The following DLG2 variants were observed in gnomAD, a reference collection of about 807,000 sequenced individuals.
The protein encoded by DLG2 is discs large MAGUK scaffold protein 2.
A neutral mutation model predicts 132.5 loss-of-function variants in DLG2; 45 were observed. The ratio of observed to expected loss-of-function variants is 0.34; its 90% CI spans 0.27 to 0.44. The LOEUF (loss-of-function observed/expected upper bound fraction) is 0.44, where lower values mean the gene tolerates loss of function less well. Ranked by LOEUF, DLG2 falls within the 20% of genes least tolerant of loss-of-function variation. The pLI, the probability that DLG2 is intolerant of heterozygous loss-of-function variation, is 1.00. For missense variants in DLG2, 1,045 were observed against 1,196.9 expected, an observed-to-expected ratio of 0.87 and a Z score of 1.87; for synonymous variants, 424 against 419.6, an observed-to-expected ratio of 1.01 and a Z score of -0.13.
At chr11:83,594,306 C>T (rs1228062264) in intron 19 of DLG2, among the ~76,000 whole-genome samples, 2 of 152,220 alleles carry the variant, frequency 1.3e-5, no homozygotes, top group Non-Finnish European at 2.9e-5. Flanking sequence ...AGCCCTTCCT[C>T]AAGCCCTGAT....
chr11:84,720,103 A>T (rs1313876744), intron 6 of DLG2, among the ~76,000 whole-genome samples: 1 of 152,138 alleles, frequency 6.6e-6, no homozygotes, highest in Non-Finnish European at 1.5e-5. Flanking sequence ...CCATTGAGTT[A>T]TGAGCCCAAC....
intron 3 of DLG2, among the ~76,000 whole-genome samples, chr11:85,417,018 G>A (rs1045337781): frequency 1.3e-5 from 2 of 152,112 alleles, no homozygotes; most frequent in African/African-American, 4.8e-5. Flanking sequence ...CTTGTCGTAT[G>A]CCAGTTTTCA....
At chr11:85,084,197 A>G (rs890665535) in intron 6 of DLG2, among the ~76,000 whole-genome samples, 1 of 152,184 alleles carries the variant, frequency 6.6e-6, no homozygotes, top group African/African-American at 2.4e-5. Flanking sequence ...AGAAAAATTG[A>G]TTATGGATGA....
intron 7 of DLG2, among the ~76,000 whole-genome samples, chr11:84,260,248 T>A (rs1393248361): frequency 1.3e-5 from 2 of 152,104 alleles, no homozygotes; most frequent in African/African-American, 2.4e-5. Flanking sequence ...AAATCTCAAA[T>A]GTGGTTTAGT....
intron 6 of DLG2, among the ~76,000 whole-genome samples, chr11:84,771,879 T>G (rs2069465217): frequency 6.6e-6 from 1 of 151,506 alleles, no homozygotes; most frequent in Non-Finnish European, 1.5e-5. Flanking sequence ...CCCATCAGGA[T>G]AAAAAATCAA....
chr11:85,436,206 C>T (rs898228849), intron 3 of DLG2, among the ~76,000 whole-genome samples: 6 of 151,910 alleles, frequency 3.9e-5, no homozygotes, highest in Non-Finnish European at 7.4e-5. Context: ...CCATAGACAC[C>T]GTAGAAGAAA....
chr11:85,364,246 A>G (rs879257528), intron 3 of DLG2, among the ~76,000 whole-genome samples: 5 of 152,130 alleles, frequency 3.3e-5, no homozygotes. Context: ...GCCCCCAACC[A>G]TATTCCTTAG....
At chr11:83,663,193 G>T (rs547331863) in intron 18 of DLG2, among the ~76,000 whole-genome samples, 3 of 152,164 alleles carry the variant, frequency 2.0e-5, no homozygotes, top group African/African-American at 7.2e-5. Context: ...CTGCCTTACA[G>T]TTGTGGAATT....
chr11:83,986,669 CCCA>C (rs2093341073), intron 11 of DLG2, among the ~76,000 whole-genome samples: 1 of 151,902 alleles, frequency 6.6e-6, no homozygotes, highest in Non-Finnish European at 1.5e-5. Flanking sequence ...AGTTTACACT[CCCA>C]CCGACAGTGT....
chr11:83,792,425 A>T (rs1410524864), intron 17 of DLG2, among the ~76,000 whole-genome samples: 4 of 152,228 alleles, frequency 2.6e-5, no homozygotes, highest in African/African-American at 9.6e-5. Flanking sequence ...ATATCCATAT[A>T]TCATAAGTAA....
At position 84,837,772 on chromosome 11, in the gene DLG2, A is replaced by G. The variant is rs186276232; in HGVS notation, c.357+273889T>C. Among the ~76,000 whole-genome samples the G allele has an allele frequency of 8.6e-5, 13 of 151,962 alleles. No individual in the cohort carries two copies. In the East Asian group the frequency reaches 2.5e-3, roughly 30 times the overall value. On this transcript the variant is annotated intron_variant, in intron 6 of 27. Coordinates refer to ENST00000376104, the MANE Select transcript of DLG2 (RefSeq NM_001142699.3). ...CAGTGCCTTGATAAGTGGAATAATA[A>G]TGTAATTCTGAAAACACTCATTCCG...
chr11:83,720,294 G>GAAAAAAACAAAAAA (rs2088058514), intron 18 of DLG2, among the ~76,000 whole-genome samples: 1 of 27,288 alleles, frequency 3.7e-5, no homozygotes, highest in Non-Finnish European at 6.3e-5. Context: ...CTCCATCTCA[G>GAAAAAAACAAAAAA]AAAAAAAAAA....
At chr11:84,743,558 T>C (rs2064966373) in intron 6 of DLG2, among the ~76,000 whole-genome samples, 1 of 152,106 alleles carries the variant, frequency 6.6e-6, no homozygotes, top group South Asian at 2.1e-4. Flanking sequence ...ATTTACACAC[T>C]AGAGAAGACA....
chr11:84,326,668 G>A (rs534453616), intron 7 of DLG2, among the ~76,000 whole-genome samples: 1 of 152,290 alleles, frequency 6.6e-6, no homozygotes, highest in African/African-American at 2.4e-5. Flanking sequence ...AATGTTCCAT[G>A]TGCGCTTCAG....
intron 7 of DLG2, among the ~76,000 whole-genome samples, chr11:84,479,525 T>C (rs1055576937): frequency 4.6e-5 from 7 of 152,112 alleles, no homozygotes; most frequent in African/African-American, 1.7e-4. Flanking sequence ...TTTAAGACAA[T>C]ATGTTTCCTT....
chr11:83,985,327 T>A (rs1223665603), intron 11 of DLG2, among the ~76,000 whole-genome samples: 1 of 152,018 alleles, frequency 6.6e-6, no homozygotes, highest in Non-Finnish European at 1.5e-5. Flanking sequence ...ATCCTTGACG[T>A]TTCTTTTTTT....
At chr11:83,992,914 G>A (rs182064419) in intron 11 of DLG2, among the ~76,000 whole-genome samples, 1 of 152,256 alleles carries the variant, frequency 6.6e-6, no homozygotes. Flanking sequence ...AATCACAGAT[G>A]TGTTGGAATA....
At chr11:85,594,891 G>A (rs2079623229) in intron 3 of DLG2, among the ~76,000 whole-genome samples, 1 of 151,608 alleles carries the variant, frequency 6.6e-6, no homozygotes, top group East Asian at 1.9e-4. Flanking sequence ...CATGGTTAAA[G>A]CCCGTCTCTA....
Position 85,064,747 on chromosome 11 carries a change from C to T in DLG2, c.357+46914G>A, listed in dbSNP as rs924807899. 2.6e-5 allele frequency among the ~76,000 whole-genome samples: 4 copies of T among 151,660 alleles called. No individual in the cohort carries two copies. In the South Asian group the frequency reaches 6.2e-4, roughly 24 times the overall value. On this transcript the variant is annotated intron_variant, in intron 6 of 27. Transcript: ENST00000376104. ...TTAACTCTAATTAAAACAGATTACC[C>T]TTCATAATATGGATGGGTCTTATCC...
Sources: allele counts gnomAD v4.1 joint callset (sites outside exome capture counted in the v4.1 genomes callset), GRCh38; gene constraint gnomAD v4.1.1; transcripts MANE v1.5; gene names NCBI Gene and HGNC (gene_info 2026-07-23, HGNC 2026-07-21).